TRAF3IP2: variants seen among roughly 807,000 people sequenced by gnomAD.
TRAF3IP2 encodes TRAF3 interacting protein 2.
Under a neutral mutation model 57.9 loss-of-function variants are expected in TRAF3IP2, and 35 were observed. The ratio of observed to expected loss-of-function variants is 0.60; its 90% CI spans 0.46 to 0.80. TRAF3IP2 has a LOEUF of 0.80. Ranked by LOEUF, TRAF3IP2 falls within the 30% of genes least tolerant of loss-of-function variation. TRAF3IP2 has a pLI of 0.00. For synonymous variants in TRAF3IP2, 251 were observed against 268.9 expected, an observed-to-expected ratio of 0.93 and a Z score of 0.65; for missense variants, 556 against 706.4, an observed-to-expected ratio of 0.79 and a Z score of 2.41.
At chr6:111,602,878 C>T (rs576250362) in intron 1 of TRAF3IP2, among the ~76,000 whole-genome samples, 5 of 152,158 alleles carry the variant, frequency 3.3e-5, no homozygotes, top group East Asian at 3.9e-4. Context: ...CTGTGGGGTG[C>T]GGCCTGTGGG....
intron 1 of TRAF3IP2, chr6:111,597,804 G>A (rs174395): frequency 0.11 from 50,579 of 455,530 alleles, 3,594 homozygotes; most frequent in Middle Eastern, 0.18. Context: ...GTTCTGACCC[G>A]ACCCATTTTT....
At position 111,595,600 on chromosome 6, in the gene TRAF3IP2, C is replaced by A. The variant is rs142335116; in HGVS notation, c.-8-3506G>T. Among the ~76,000 whole-genome samples the A allele has an allele frequency of 1.2e-4, 19 of 152,170 alleles. 1 individual carries two copies. In the South Asian group the frequency reaches 3.9e-3, roughly 32 times the overall value. Reference sequence around the variant, plus strand: ...ATCCCAGCACTTTGGGAGGCCAAGGCGGGCAGATCGCAAAGTCAGGAGTTC... The same window carrying A: ...ATCCCAGCACTTTGGGAGGCCAAGGAGGGCAGATCGCAAAGTCAGGAGTTC... On this transcript the variant is annotated intron_variant, in intron 1 of 8. Coordinates refer to ENST00000368761, the MANE Select transcript of TRAF3IP2 (RefSeq NM_147686.4).
At chr6:111,571,051 C>T (rs1009489312) in intron 5 of TRAF3IP2, among the ~76,000 whole-genome samples, 7 of 150,154 alleles carry the variant, frequency 4.7e-5, no homozygotes, top group Non-Finnish European at 7.4e-5. Flanking sequence ...GGACTACAGG[C>T]GCACACCACC....
In TRAF3IP2 at chr6:111,557,057, G is replaced by A. The variant is rs1795261913; in HGVS notation, c.*2348C>T. ...TGTAAGGGTCACCTGAGCCCGGCAA[G>A]GTCAAAGCTGCAGTGAGCTGAGACT... is the stretch of plus-strand genomic sequence containing the variant. On this transcript the variant is annotated 3_prime_UTR_variant, in exon 9 of 9. Transcript: ENST00000368761. 6.6e-6 allele frequency: 1 copy of A among 152,150 alleles called. No individual in the cohort carries two copies. The highest frequency in any genetic ancestry group is 1.5e-5 in the Non-Finnish European group (1 of 68,054). The allele number at this position is 152,150 out of a possible 1,614,324, so 9.4% of individuals were successfully genotyped here. A position where few individuals can be genotyped will look rare whatever the true frequency, so the allele number is the denominator to read the frequency against.
intron 1 of TRAF3IP2, among the ~76,000 whole-genome samples, chr6:111,599,352 C>T (rs1252628718): frequency 6.6e-6 from 1 of 152,082 alleles, no homozygotes; most frequent in African/African-American, 2.4e-5. Flanking sequence ...TTTGCCTCCT[C>T]GGGCCTGATA....
At chr6:111,563,089 G>A in intron 7 of TRAF3IP2, 50 bp from the exon 8 acceptor site, 1 of 1,381,196 alleles carries the variant, frequency 7.2e-7, no homozygotes, top group Non-Finnish European at 1.0e-6. Context: ...AGGATGAGGA[G>A]TTAATGGTAC....
chr6:111,585,200 C>G (rs998063893), intron 2 of TRAF3IP2, among the ~76,000 whole-genome samples: 7 of 152,190 alleles, frequency 4.6e-5, no homozygotes, highest in Non-Finnish European at 7.3e-5. Flanking sequence ...TACTTCTTAT[C>G]CATCTCTCCA....
intron 1 of TRAF3IP2, among the ~76,000 whole-genome samples, chr6:111,599,626 C>T (rs747295131): frequency 9.2e-5 from 14 of 152,206 alleles, no homozygotes; most frequent in South Asian, 2.1e-4. Context: ...ATCTTTTCCT[C>T]TTTTAGCACA....
rs550146377 is a variant in TRAF3IP2, at chr6:111,594,870, C to T, written c.-8-2776G>A. Among the ~76,000 whole-genome samples the T allele has an allele frequency of 5.1e-4, 77 of 152,138 alleles. 1 individual carries two copies. The highest frequency in any genetic ancestry group is 4.1e-3 in the Admixed American group (63 of 15,282). On this transcript the variant is annotated intron_variant, in intron 1 of 8. Transcript: ENST00000368761. ...TGTCCAGCCTGCAGTGAGCCGAGAT[C>T]GTGCCATGGCACTCCAGCCTGAGTG...
At chr6:111,570,551 G>T (rs1044460323) in intron 5 of TRAF3IP2, among the ~76,000 whole-genome samples, 1 of 152,152 alleles carries the variant, frequency 6.6e-6, no homozygotes, top group Non-Finnish European at 1.5e-5. Context: ...ACCGGGCTCT[G>T]TGATTTCTAC....
intron 5 of TRAF3IP2, 103 bp from the exon 6 acceptor site, chr6:111,567,795 T>A: frequency 1.2e-6 from 1 of 837,692 alleles, no homozygotes; most frequent in South Asian, 2.9e-5. Flanking sequence ...CTCCAAAACT[T>A]AACTAATGCT....
At chr6:111,603,877 A>G (rs1796948837) in intron 1 of TRAF3IP2, among the ~76,000 whole-genome samples, 2 of 152,226 alleles carry the variant, frequency 1.3e-5, no homozygotes, top group South Asian at 2.1e-4. Context: ...CCATCTTTTG[A>G]TGCTCCATCA....
rs1303510282 is a variant in TRAF3IP2, at chr6:111,591,903, G to A, written c.184C>T (p.Gln62Ter). 2 of 1,614,256 alleles carry A rather than the reference G, an allele frequency of 1.2e-6. No individual in the cohort carries two copies. Among genetic ancestry groups the A allele is most frequent in the Non-Finnish European group, 1.7e-6 (2 of 1,180,054 alleles). The change falls in exon 2 of 9, where the codon CAA (glutamine) becomes TAA (stop). Residue 62 changes from glutamine to a stop codon, truncating the protein, a stop_gained. Coordinates refer to ENST00000368761, the MANE Select transcript of TRAF3IP2 (RefSeq NM_147686.4). LOFTEE classifies it high-confidence loss of function. The surrounding 1 kb of genome is among the most constrained non-coding windows in gnomAD (Gnocchi z 4.9). ...GCAAGTTTCAGGGTTGAGTGAGCTT[G>A]AGAAAAGTCTCCGGAGGAATTGTGA... ...MLHNSSGDFSQAHSTLKLANH... is the reference protein window; with the variant it reads ...MLHNSSGDFS
At chr6:111,568,786 C>T (rs967775324) in intron 5 of TRAF3IP2, among the ~76,000 whole-genome samples, 1 of 152,164 alleles carries the variant, frequency 6.6e-6, no homozygotes, top group Non-Finnish European at 1.5e-5. Context: ...ATCCTGTCTA[C>T]TTTACTCCCC....
chr6:111,596,801 G>A (rs935816151), intron 1 of TRAF3IP2, among the ~76,000 whole-genome samples: 2 of 151,812 alleles, frequency 1.3e-5, no homozygotes, highest in African/African-American at 4.8e-5. Context: ...GTCTCACTAT[G>A]CTACCCAAAC....
rs532860022 is a variant in TRAF3IP2 at position 111,579,549 on chromosome 6, T to C, written c.1022+648A>G. ...GGAGTTCAAGACCAGCTGGGCAACA[T>C]AGGGAGATCCCTTCACTACAAAATA... On this transcript the variant is annotated intron_variant, in intron 3 of 8. Transcript: ENST00000368761. Among the ~76,000 whole-genome samples the C allele has an allele frequency of 2.6e-5, 4 of 152,162 alleles. No individual in the cohort carries two copies. The South Asian group carries it at 8.3e-4, about 32-fold the overall frequency.
chr6:111,588,105 C>T (rs541923431), intron 2 of TRAF3IP2, among the ~76,000 whole-genome samples: 20 of 152,086 alleles, frequency 1.3e-4, no homozygotes, highest in Non-Finnish European at 2.8e-4. Flanking sequence ...TGGATGTTGT[C>T]CAAAGTTTTT....
At chr6:111,566,383 C>T in intron 7 of TRAF3IP2, 61 bp downstream of exon 7, 1 of 1,351,332 alleles carries the variant, frequency 7.4e-7, no homozygotes, top group Non-Finnish European at 1.0e-6. Flanking sequence ...AATGGGACTT[C>T]CCTGGACAAG....
At chr6:111,573,328 T>TTGGCACTG (rs1487423639) in intron 4 of TRAF3IP2, among the ~76,000 whole-genome samples, 41 of 152,240 alleles carry the variant, frequency 2.7e-4, no homozygotes, top group South Asian at 8.3e-4. Context: ...TTAGAGACAC[T>TTGGCACTG]TGGCACTGTG....
Sources: gnomAD v4.1 joint callset for allele counts (sites outside exome capture counted in the v4.1 genomes callset) on GRCh38, gnomAD v4.1.1 for gene constraint, Gnocchi (gnomAD v3.1) non-coding constraint, MANE v1.5 for transcripts, NCBI Gene and HGNC (gene_info 2026-07-23, HGNC 2026-07-21) for gene names.